Variants in ARHGEF18 observed in about 807,000 individuals in gnomAD.
The protein encoded by ARHGEF18 is rho guanine nucleotide exchange factor 18.
Under a neutral mutation model 155.7 loss-of-function variants are expected in ARHGEF18, and 93 were observed. The ratio of observed to expected loss-of-function variants is 0.60; its 90% CI spans 0.50 to 0.71. ARHGEF18 has a LOEUF of 0.71. Ranked by LOEUF, ARHGEF18 falls within the 30% of genes least tolerant of loss-of-function variation. The pLI is 0.00. For missense variants in ARHGEF18, 1,593 were observed against 1,816.1 expected (o/e 0.88, Z 2.23); for synonymous variants, 742 against 753.1 (o/e 0.99, Z 0.24).
At chr19:7,475,845 G>T (rs543947922), downstream of ARHGEF18, among the ~76,000 whole-genome samples, 1 of 152,220 alleles carries the variant, frequency 6.6e-6, no homozygotes, top group African/African-American at 2.4e-5. Context: ...GCTGCTAGGG[G>T]CTGGGAAGGA....
In ARHGEF18 at chr19:7,441,681, G is replaced by A. The variant is rs764176584; in HGVS notation, c.1135G>A (p.Asp379Asn). Reference sequence around the variant, plus strand: ...AATCACAGGAGAGATGGATGAAGCCGATTCTGCGTTTTTAAAATTTAAGCA... The same window carrying A: ...AATCACAGGAGAGATGGATGAAGCCAATTCTGCGTTTTTAAAATTTAAGCA... Reference protein sequence around the residue: ...GPITGEMDEADSAFLKFKQTA... With the variant: ...GPITGEMDEANSAFLKFKQTA... Residue 379 changes from aspartate to asparagine, a missense_variant, in exon 12 of 29, where the codon GAT becomes AAT. By Grantham distance (23) the Asp-to-Asn change is conservative. Transcript: ENST00000668164. 1.4e-5 allele frequency: 22 copies of A among 1,614,126 alleles called. No individual in the cohort carries two copies. Among genetic ancestry groups the A allele is most frequent in the South Asian group, 3.3e-5 (3 of 91,084 alleles).
intron 17 of ARHGEF18, 117 bp from the exon 18 acceptor site, chr19:7,456,210 C>A: frequency 1.1e-6 from 1 of 911,310 alleles, no homozygotes; most frequent in Non-Finnish European, 1.8e-6. Context: ...CTTCTAGGCC[C>A]AGGCAGAAGC....
At chr19:7,415,299 C>T (rs549532824) in intron 10 of ARHGEF18, among the ~76,000 whole-genome samples, 17 of 152,116 alleles carry the variant, frequency 1.1e-4, no homozygotes, top group East Asian at 9.7e-4. Flanking sequence ...CCCTCCTGAG[C>T]GCAACACCCC....
rs12976554 is a variant in ARHGEF18, at chr19:7,362,119, G to A, written c.-110-662G>A. ...GGAGAAGGAGAAGGAGAAGGAGAAGGAGAAGGAGAAGGAGAAGGAGAAGGA... is the reference window on the plus strand; with the variant it reads ...GGAGAAGGAGAAGGAGAAGGAGAAGAAGAAGGAGAAGGAGAAGGAGAAGGA... On this transcript the variant is annotated intron_variant, in intron 1 of 28. Transcript: ENST00000668164. Among the ~76,000 whole-genome samples, 35 of 24,504 alleles carry A rather than the reference G, an allele frequency of 1.4e-3. 1 individual carries two copies. The East Asian group carries it at 0.028, about 19-fold the overall frequency. 16.1% of individuals were successfully genotyped at this position (24,504 alleles called of 152,430 possible).
chr19:7,467,785 G>A, intron 26 of ARHGEF18, 101 bp downstream of exon 26: 2 of 1,217,266 alleles, frequency 1.6e-6, no homozygotes, highest in South Asian at 1.7e-5. Flanking sequence ...GTGCATGCGT[G>A]CAGGAGTGTA....
At chr19:7,427,243 C>T (rs114685618) in intron 10 of ARHGEF18, among the ~76,000 whole-genome samples, 1,667 of 152,318 alleles carry the variant, frequency 0.011, 40 homozygotes, top group African/African-American at 0.037. Context: ...GTTGCCCCAG[C>T]TGCCTCACTT....
In ARHGEF18 at chr19:7,467,399, C is replaced by A; in HGVS notation, c.3195C>A (p.His1065Gln). The change falls in exon 26 of 29, where the codon CAC becomes CAA. Residue 1065 changes from histidine (H) to glutamine (Q), a missense_variant. His to Gln is a conservative substitution (Grantham distance 24). Transcript: ENST00000668164. ...AGAAGCTGCAGAGCCAGCTGCGGCA[C>A]GAGCAGCAGCGCTGGGAGCGCGAGC... ...ALEKLQSQLR[H>Q]EQQRWERERQ... is the part of the protein sequence containing the mutation. 1.3e-6 allele frequency: 2 copies of A among 1,532,782 alleles called. No individual in the cohort carries two copies. The highest frequency in any genetic ancestry group is 1.7e-6 in the Non-Finnish European group (2 of 1,145,500). 94.9% of individuals were successfully genotyped at this position (1,532,782 alleles called of 1,614,324 possible). A position where few individuals can be genotyped will look rare whatever the true frequency, so the allele number is the denominator to read the frequency against.
Position 7,375,825 on chromosome 19 carries a change from A to G in ARHGEF18, c.381A>G (p.Gln127=). The change falls in exon 4 of 29, where the codon CAA becomes CAG. Residue 127 remains glutamine, a synonymous_variant. Transcript: ENST00000668164. ...GAGGAGGGCTGAAGACCTGGACTCA[A>G]GGGTGTCTCTCTGGGGGCGGGACCC... is the stretch of plus-strand genomic sequence containing the variant. ...LPGGGLKTWT[Q]GCLSGGGTPA... 8.1e-7 allele frequency: 1 copy of G among 1,234,470 alleles called. No individual in the cohort carries two copies. The allele number at this position is 1,234,470 out of a possible 1,614,324, so 76.5% of individuals were successfully genotyped here. A position where few individuals can be genotyped will look rare whatever the true frequency, so the allele number is the denominator to read the frequency against.
intron 3 of ARHGEF18, 106 bp downstream of exon 3, chr19:7,373,177 C>T (rs1303184076): frequency 1.6e-5 from 20 of 1,216,948 alleles, no homozygotes; most frequent in South Asian, 1.3e-4. Flanking sequence ...TTGCACCTGC[C>T]GTGGTCCCCA....
At chr19:7,407,046 C>T (rs138432116) in intron 10 of ARHGEF18, among the ~76,000 whole-genome samples, 1,447 of 111,614 alleles carry the variant, frequency 0.013, 31 homozygotes, top group African/African-American at 0.047. Flanking sequence ...GCCTGGGCGA[C>T]AAGGCAAGAC....
In ARHGEF18 at chr19:7,369,793, T is replaced by A. The variant is rs557335764; in HGVS notation, c.16-3019T>A. Reference sequence around the variant, plus strand: ...GCCTGGGCGACAGAGTGAGACTCCATCTCAAAAAAATTAAAAGAAAGAAAG... The same window carrying A: ...GCCTGGGCGACAGAGTGAGACTCCAACTCAAAAAAATTAAAAGAAAGAAAG... On this transcript the variant is annotated intron_variant, in intron 2 of 28. Transcript: ENST00000668164. Among the ~76,000 whole-genome samples, 32 of 151,890 alleles carry A rather than the reference T, an allele frequency of 2.1e-4. No homozygotes were observed. In the East Asian group the frequency reaches 5.8e-3, roughly 28 times the overall value.
At position 7,451,129 on chromosome 19, in the gene ARHGEF18, T is replaced by G; in HGVS notation, c.1738-20T>G. On this transcript the variant is annotated intron_variant, in intron 15 of 28. Transcript: ENST00000668164. ...CCGTTTCTGAGATGTTAATACAGGA[T>G]CTTGCTTTCTGTTTCCTAGAAAATT... is the stretch of plus-strand genomic sequence containing the variant. 6.5e-7 allele frequency: 1 copy of G among 1,534,852 alleles called. No individual in the cohort carries two copies. Among genetic ancestry groups the G allele is most frequent in the South Asian group, 1.1e-5 (1 of 88,632 alleles).
chr19:7,447,980 A>G lies in ARHGEF18; in HGVS notation c.1737+812A>G, dbSNP rs1194755634. ...CCCATCTCTATTATATAAGATACAT[A>G]TGTATACACACACACATATTAACAA... On this transcript the variant is annotated intron_variant, in intron 15 of 28. Transcript: ENST00000668164. 2.0e-5 allele frequency among the ~76,000 whole-genome samples: 3 copies of G among 152,302 alleles called. No homozygotes were observed. The South Asian group carries it at 6.2e-4, about 32-fold the overall frequency.
chr19:7,455,956 C>T (rs112210132), intron 17 of ARHGEF18, among the ~76,000 whole-genome samples: 4,370 of 152,306 alleles, frequency 0.029, 202 homozygotes, highest in African/African-American at 0.095. Flanking sequence ...TCTTACAGCA[C>T]GTGGGAATTC....
At position 7,444,239 on chromosome 19, in the gene ARHGEF18, C is replaced by G. The variant is rs1168655217; in HGVS notation, c.1396C>G (p.Leu466Val). The change falls in exon 14 of 29, where the codon CTC (leucine) becomes GTC (valine). Residue 466 changes from leucine (L) to valine (V), a missense_variant. Leu to Val is a conservative substitution (Grantham distance 32). Transcript: ENST00000668164. This position sits in a 1 kb window ranked among gnomAD's most constrained non-coding sequence, Gnocchi z 4.7. ...GACAGAGGTGCACCACGTGCGGACG[C>G]TCAAGATCATGCTGAAGGTGTACTC... Reference protein sequence around the residue: ...MQTEVHHVRTLKIMLKVYSRA... With the variant: ...MQTEVHHVRTVKIMLKVYSRA... 2.5e-6 allele frequency: 4 copies of G among 1,613,452 alleles called. No individual in the cohort carries two copies. In the Admixed American group the frequency reaches 6.7e-5, roughly 27 times the overall value.
Position 7,467,352 on chromosome 19 carries a change from C to A in ARHGEF18, c.3148C>A (p.Arg1050=), listed in dbSNP as rs1162763325. ...QERQRNFEKQ[R]EERAALEKLQ... is the part of the protein sequence containing the mutation. ...GCGGCAACGCAACTTCGAGAAGCAG[C>A]GGGAGGAGCGCGCGGCCCTGGAGAA... The change falls in exon 26 of 29, where the codon CGG becomes AGG. Residue 1050 remains arginine, a synonymous_variant. Coordinates refer to ENST00000668164, the MANE Select transcript of ARHGEF18 (RefSeq NM_001367823.1). The A allele has an allele frequency of 1.4e-5, 21 of 1,536,038 alleles. No individual in the cohort carries two copies. Among genetic ancestry groups the A allele is most frequent in the Non-Finnish European group, 2.6e-6 (3 of 1,146,544 alleles).
intron 2 of ARHGEF18, 39 bp from the exon 3 acceptor site, chr19:7,372,773 C>A: frequency 8.1e-7 from 1 of 1,234,350 alleles, no homozygotes; most frequent in South Asian, 4.1e-5. Flanking sequence ...GCCCCTTGGT[C>A]AATGTCTTCT....
chr19:7,405,738 G>A (rs535091962), intron 10 of ARHGEF18, among the ~76,000 whole-genome samples: 1 of 152,254 alleles, frequency 6.6e-6, no homozygotes, highest in East Asian at 1.9e-4. Context: ...AGCCTCCTGA[G>A]TAGCTGGGAC....
At chr19:7,421,773 A>C (rs772399239) in intron 10 of ARHGEF18, among the ~76,000 whole-genome samples, 1 of 151,994 alleles carries the variant, frequency 6.6e-6, no homozygotes, top group Non-Finnish European at 1.5e-5. Context: ...AAAATAAAGA[A>C]ATAGGTGTCC....
Sources: gnomAD v4.1 joint callset for allele counts (sites outside exome capture counted in the v4.1 genomes callset) on GRCh38, gnomAD v4.1.1 for gene constraint, Gnocchi (gnomAD v3.1) non-coding constraint, MANE v1.5 for transcripts, NCBI Gene and HGNC (gene_info 2026-07-23, HGNC 2026-07-21) for gene names.